EYS: variants seen among roughly 807,000 people sequenced by gnomAD.
The protein encoded by EYS is protein eyes shut homolog.
A neutral mutation model predicts 282.1 loss-of-function variants in EYS; 250 were observed. The observed-to-expected ratio is 0.89, with a 90% confidence interval of 0.80 to 0.98. EYS has a LOEUF of 0.98. EYS is among the 50% of genes least tolerant of loss of function. The probability of loss-of-function intolerance (pLI) is 0.00; values close to 1 mark genes in which losing one functional copy is unlikely to be tolerated. For synonymous variants in EYS, 1,355 were observed against 1,282.9 expected (o/e 1.06, Z -1.20); for missense variants, 4,016 against 3,709.0 (o/e 1.08, Z -2.15).
chr6:64,730,660 TAG>T (rs1771932223), intron 22 of EYS, among the ~76,000 whole-genome samples: 1 of 152,004 alleles, frequency 6.6e-6, no homozygotes, highest in Non-Finnish European at 1.5e-5. Flanking sequence ...ATATTTTTAG[TAG>T]AGACGAGTTT....
At chr6:64,626,519 G>T (rs558307468) in intron 22 of EYS, among the ~76,000 whole-genome samples, 2 of 152,190 alleles carry the variant, frequency 1.3e-5, no homozygotes, top group East Asian at 3.9e-4. Context: ...GGATTAACTC[G>T]GTGGGCTCTA....
At chr6:63,909,759 G>A (rs1311122656) in intron 35 of EYS, among the ~76,000 whole-genome samples, 1 of 152,144 alleles carries the variant, frequency 6.6e-6, no homozygotes, top group East Asian at 1.9e-4. Flanking sequence ...AGAAATTCTG[G>A]TGTCTGAGCC....
chr6:65,338,890 A>T (rs994642418), intron 10 of EYS, among the ~76,000 whole-genome samples: 1 of 151,220 alleles, frequency 6.6e-6, no homozygotes, highest in Admixed American at 6.6e-5. Flanking sequence ...ACATACTTAC[A>T]GAAAATGTTC....
chr6:64,790,817 GTACAT>G (rs200612854), intron 22 of EYS, among the ~76,000 whole-genome samples: 3,183 of 151,816 alleles, frequency 0.021, 52 homozygotes, highest in Middle Eastern at 0.048. Flanking sequence ...GAACAAGGTG[GTACAT>G]TATCCAGAAG....
rs534672344 is a variant in EYS, at chr6:64,516,326, C to A, written c.5644+73897G>T. 1.7e-4 allele frequency among the ~76,000 whole-genome samples: 25 copies of A among 151,268 alleles called. 1 individual carries two copies. In the East Asian group the frequency reaches 4.9e-3, roughly 30 times the overall value. On this transcript the variant is annotated intron_variant, in intron 26 of 42. Coordinates refer to ENST00000503581, the MANE Select transcript of EYS (RefSeq NM_001142800.2). ...TGGAAGGTGGAAGGAGGGAGAGGAC[C>A]AGGAAAAGTAACTAATGGGTACCAG...
chr6:65,480,787 T>C (rs1257785242), intron 5 of EYS, among the ~76,000 whole-genome samples: 1 of 152,152 alleles, frequency 6.6e-6, no homozygotes, highest in Non-Finnish European at 1.5e-5. Context: ...ATAAAAAGAA[T>C]GGAATCCTGT....
In EYS at chr6:64,283,478, TG is replaced by T. The variant is rs1260262655; in HGVS notation, c.6191+23491del. Among the ~76,000 whole-genome samples, 53 of 152,114 alleles carry T rather than the reference TG, an allele frequency of 3.5e-4. 1 individual carries two copies. Among genetic ancestry groups the T allele is most frequent in the Non-Finnish European group, 2.9e-5 (2 of 68,014 alleles). ...AGCTTAGAACATGACTGAACACATA[TG>T]GGGTACTCTGAAGTATTCTAGAATA... On this transcript the variant is annotated intron_variant, in intron 30 of 42. Transcript: ENST00000503581.
intron 31 of EYS, among the ~76,000 whole-genome samples, chr6:64,130,514 A>G (rs1467502616): frequency 6.6e-6 from 1 of 152,146 alleles, no homozygotes; most frequent in Non-Finnish European, 1.5e-5. Flanking sequence ...ATTAGAAGAT[A>G]TACCTAATGT....
chr6:63,973,334 G>A (rs1042185277), intron 35 of EYS, among the ~76,000 whole-genome samples: 20 of 151,848 alleles, frequency 1.3e-4, no homozygotes, highest in Admixed American at 6.6e-5. Flanking sequence ...TCATATGTTT[G>A]TTGGTCACAT....
At chr6:65,500,136 C>T (rs2127276323) in intron 2 of EYS, among the ~76,000 whole-genome samples, 1 of 152,092 alleles carries the variant, frequency 6.6e-6, no homozygotes, top group East Asian at 1.9e-4. Context: ...TGTTCTCAGT[C>T]ACATTTACCA....
intron 35 of EYS, among the ~76,000 whole-genome samples, chr6:63,887,939 G>A (rs935906535): frequency 1.9e-4 from 29 of 152,302 alleles, no homozygotes; most frequent in Admixed American, 5.2e-4. Context: ...AGTTGACCTC[G>A]GATGCTAGAG....
intron 5 of EYS, among the ~76,000 whole-genome samples, chr6:65,433,965 C>T (rs1157904091): frequency 6.6e-6 from 1 of 152,196 alleles, no homozygotes; most frequent in Non-Finnish European, 1.5e-5. Context: ...ACAAAGACCT[C>T]TATTTCCTAC....
At chr6:65,531,113 A>T (rs189794489) in intron 2 of EYS, among the ~76,000 whole-genome samples, 18 of 152,198 alleles carry the variant, frequency 1.2e-4, no homozygotes, top group Non-Finnish European at 5.9e-5. Flanking sequence ...AAATTTAATT[A>T]TTCAGTGCTT....
intron 14 of EYS, among the ~76,000 whole-genome samples, chr6:64,978,657 G>A (rs1283730555): frequency 1.3e-5 from 2 of 151,762 alleles, no homozygotes; most frequent in Admixed American, 1.3e-4. Flanking sequence ...AAATCCTTCT[G>A]GAAAAGATTC....
At chr6:65,338,136 T>C (rs1486116419) in intron 10 of EYS, among the ~76,000 whole-genome samples, 1 of 151,286 alleles carries the variant, frequency 6.6e-6, no homozygotes, top group African/African-American at 2.4e-5. Context: ...GATGGTGAAT[T>C]ATTTTATGCT....
intron 35 of EYS, among the ~76,000 whole-genome samples, chr6:63,920,235 TGTTA>T: frequency 6.6e-6 from 1 of 152,254 alleles, no homozygotes; most frequent in East Asian, 1.9e-4. Context: ...TCCACAGGTC[TGTTA>T]TTTTCCTCCT....
intron 41 of EYS, among the ~76,000 whole-genome samples, chr6:63,747,469 C>G (rs1452736984): frequency 6.6e-6 from 1 of 152,112 alleles, no homozygotes; most frequent in East Asian, 1.9e-4. Flanking sequence ...GGTCCTCTTG[C>G]TCCAGAGCTA....
At chr6:64,445,792 C>T (rs1384655559) in intron 26 of EYS, among the ~76,000 whole-genome samples, 1 of 152,072 alleles carries the variant, frequency 6.6e-6, no homozygotes, top group Non-Finnish European at 1.5e-5. Context: ...GAGAACCTTT[C>T]CTAGAAGTTA....
chr6:65,501,645 C>T (rs2127277747), intron 2 of EYS, among the ~76,000 whole-genome samples: 1 of 151,618 alleles, frequency 6.6e-6, no homozygotes, highest in African/African-American at 2.4e-5. Context: ...ATTTCAATTT[C>T]AATTATAAAT....
Sources: allele counts gnomAD v4.1 joint callset (sites outside exome capture counted in the v4.1 genomes callset), GRCh38; gene constraint gnomAD v4.1.1; transcripts MANE v1.5; gene names NCBI Gene and HGNC (gene_info 2026-07-23, HGNC 2026-07-21).